The following RIMBP2 variants were observed in gnomAD, a reference collection of about 807,000 sequenced individuals.
The protein encoded by RIMBP2 is RIMS binding protein 2.
In RIMBP2, 48 loss-of-function variants were observed where a neutral mutation model predicts 118.6. The observed-to-expected ratio is 0.40, with a 90% confidence interval of 0.32 to 0.51. The LOEUF (loss-of-function observed/expected upper bound fraction) is 0.51, where lower values mean the gene tolerates loss of function less well. Among genes scored for constraint, RIMBP2 ranks in the 20% least tolerant of loss-of-function variants. The pLI is 0.41. For synonymous variants in RIMBP2, 762 were observed against 742.9 expected (o/e 1.03, Z -0.42); for missense variants, 1,551 against 1,768.3 (o/e 0.88, Z 2.20).
At chr12:130,423,516 A>G (rs541563618) in intron 16 of RIMBP2, among the ~76,000 whole-genome samples, 2 of 152,316 alleles carry the variant, frequency 1.3e-5, no homozygotes, top group African/African-American at 2.4e-5. Flanking sequence ...GAAGCCTTCA[A>G]TGAATCCCTA....
At chr12:130,654,538 C>T (rs938018968) in intron 1 of RIMBP2, among the ~76,000 whole-genome samples, 1 of 152,212 alleles carries the variant, frequency 6.6e-6, no homozygotes, top group Non-Finnish European at 1.5e-5. Context: ...CCAAACAATT[C>T]CTCACCTTCC....
chr12:130,697,748 G>A (rs139225579), intron 1 of RIMBP2, among the ~76,000 whole-genome samples: 1 of 152,284 alleles, frequency 6.6e-6, no homozygotes, highest in East Asian at 1.9e-4. Flanking sequence ...CCTGAGTCCA[G>A]GAAGTCAAGG....
intron 7 of RIMBP2, among the ~76,000 whole-genome samples, chr12:130,452,818 G>T (rs1346635343): frequency 6.6e-6 from 1 of 152,224 alleles, no homozygotes; most frequent in Non-Finnish European, 1.5e-5. Flanking sequence ...AACAGCAGGG[G>T]ACGGCACAGC....
At position 130,650,228 on chromosome 12, in the gene RIMBP2, G is replaced by A. The variant is rs112243019; in HGVS notation, c.-351-21772C>T. On this transcript the variant is annotated intron_variant, in intron 1 of 22. Coordinates refer to ENST00000690449, the MANE Select transcript of RIMBP2 (RefSeq NM_001393629.1). ...TACATTTCTGCCCTTCATGTGCAGCGTGGTCCCTGGGTGCTGACTCGTGCC... is the reference window on the plus strand; with the variant it reads ...TACATTTCTGCCCTTCATGTGCAGCATGGTCCCTGGGTGCTGACTCGTGCC... Among the ~76,000 whole-genome samples the A allele has an allele frequency of 2.5e-3, 374 of 152,220 alleles. 3 individuals are homozygous for A. The highest frequency in any genetic ancestry group is 8.5e-3 in the African/African-American group (352 of 41,562).
At chr12:130,642,867 C>G (rs7134774) in intron 1 of RIMBP2, among the ~76,000 whole-genome samples, 1 of 152,178 alleles carries the variant, frequency 6.6e-6, no homozygotes, top group South Asian at 2.1e-4. Flanking sequence ...GAACGGGTCA[C>G]GTGCCCTCTC....
intron 1 of RIMBP2, among the ~76,000 whole-genome samples, chr12:130,707,206 T>C (rs963477475): frequency 6.6e-6 from 1 of 151,832 alleles, no homozygotes; most frequent in Non-Finnish European, 1.5e-5. Flanking sequence ...GCAGACACAC[T>C]CAGAACTTCC....
At chr12:130,566,037 A>G (rs1269880197) in intron 2 of RIMBP2, among the ~76,000 whole-genome samples, 1 of 152,234 alleles carries the variant, frequency 6.6e-6, no homozygotes. Flanking sequence ...GGAACTTGTC[A>G]TTGATAAAGA....
chr12:130,592,962 G>A (rs2059361355), intron 2 of RIMBP2, among the ~76,000 whole-genome samples: 1 of 152,154 alleles, frequency 6.6e-6, no homozygotes, highest in Non-Finnish European at 1.5e-5. Context: ...GGAAACGTCA[G>A]ACCCACAAAC....
intron 2 of RIMBP2, among the ~76,000 whole-genome samples, chr12:130,547,254 A>C (rs771797680): frequency 1.3e-5 from 2 of 152,260 alleles, no homozygotes; most frequent in African/African-American, 2.4e-5. Flanking sequence ...ATACGCTCAC[A>C]CAGAAAGAGT....
At chr12:130,530,974 A>T (rs2053310875) in intron 2 of RIMBP2, among the ~76,000 whole-genome samples, 1 of 152,214 alleles carries the variant, frequency 6.6e-6, no homozygotes, top group Non-Finnish European at 1.5e-5. Flanking sequence ...CAAGATGACC[A>T]TGCTTCTCTC....
At chr12:130,715,505 G>C (rs531193883) in intron 1 of RIMBP2, among the ~76,000 whole-genome samples, 1 of 152,264 alleles carries the variant, frequency 6.6e-6, no homozygotes, top group South Asian at 2.1e-4. Context: ...TCCCGTACGC[G>C]CTGCCTTTCC....
chr12:130,459,320 G>A (rs965376643), intron 6 of RIMBP2, among the ~76,000 whole-genome samples: 3 of 151,046 alleles, frequency 2.0e-5, no homozygotes, highest in South Asian at 2.1e-4. Flanking sequence ...ATAAACACTC[G>A]AGAAAGCAAG....
intron 1 of RIMBP2, among the ~76,000 whole-genome samples, chr12:130,643,049 C>T (rs73448945): frequency 0.024 from 3,675 of 152,312 alleles, 129 homozygotes; most frequent in African/African-American, 0.084. Flanking sequence ...CTCTAAACGG[C>T]GATGGTTCTC....
intron 12 of RIMBP2, 31 bp downstream of exon 12, chr12:130,438,334 A>AAGCC: frequency 2.2e-6 from 3 of 1,344,514 alleles, no homozygotes; most frequent in Non-Finnish European, 3.2e-6. Context: ...GGGCCTAACA[A>AAGCC]ACCCTCCCCA....
chr12:130,642,651 C>T (rs978524160), intron 1 of RIMBP2, among the ~76,000 whole-genome samples: 14 of 152,234 alleles, frequency 9.2e-5, no homozygotes, highest in Non-Finnish European at 1.8e-4. Context: ...CGACAACCCA[C>T]ATCGACTAAC....
intron 4 of RIMBP2, among the ~76,000 whole-genome samples, chr12:130,503,446 C>T (rs2050001487): frequency 6.6e-6 from 1 of 151,982 alleles, no homozygotes; most frequent in Non-Finnish European, 1.5e-5. Context: ...TTCTTGAGTT[C>T]TTCCCATATA....
intron 1 of RIMBP2, among the ~76,000 whole-genome samples, chr12:130,692,291 G>A (rs958915115): frequency 3.3e-5 from 5 of 152,298 alleles, no homozygotes; most frequent in African/African-American, 1.2e-4. Flanking sequence ...CGGGTCTGCT[G>A]CAGAAGCCTC....
intron 5 of RIMBP2, among the ~76,000 whole-genome samples, chr12:130,476,473 G>C (rs969274179): frequency 6.6e-6 from 1 of 152,128 alleles, no homozygotes; most frequent in Non-Finnish European, 1.5e-5. Context: ...TGCCTGGTGG[G>C]GTAAGCACTC....
chr12:130,444,859 G>A (rs1222805270), intron 10 of RIMBP2, among the ~76,000 whole-genome samples: 1 of 152,194 alleles, frequency 6.6e-6, no homozygotes, highest in Non-Finnish European at 1.5e-5. Flanking sequence ...GGAAGCAGAG[G>A]GTCTGTCAGT....
Sources: gnomAD v4.1 joint callset for allele counts (sites outside exome capture counted in the v4.1 genomes callset) on GRCh38, gnomAD v4.1.1 for gene constraint, MANE v1.5 for transcripts, NCBI Gene and HGNC (gene_info 2026-07-23, HGNC 2026-07-21) for gene names.